The following LPIN2 variants were observed in gnomAD, a reference collection of about 807,000 sequenced individuals.
LPIN2 encodes lipin 2, also known as phosphatidate phosphatase LPIN2.
Under a neutral mutation model 111.4 loss-of-function variants are expected in LPIN2, and 55 were observed. That is an observed-to-expected ratio of 0.49 (90% confidence interval 0.40 to 0.62). The LOEUF (loss-of-function observed/expected upper bound fraction) is 0.62, where lower values mean the gene tolerates loss of function less well. LPIN2 is among the 20% of genes least tolerant of loss of function. LPIN2 has a pLI of 0.00. For missense variants in LPIN2, 992 were observed against 1,112.1 expected, an observed-to-expected ratio of 0.89 and a Z score of 1.54; for synonymous variants, 425 against 414.0, an observed-to-expected ratio of 1.03 and a Z score of -0.32.
chr18:2,985,741 A>C (rs1024635204), intron 1 of LPIN2, among the ~76,000 whole-genome samples: 3 of 152,180 alleles, frequency 2.0e-5, no homozygotes, highest in Admixed American at 2.0e-4. Flanking sequence ...AGCTGTACTA[A>C]GCTGGTTCAA....
At chr18:2,965,276 TTTC>T (rs1568583218) in intron 1 of LPIN2, among the ~76,000 whole-genome samples, 2 of 152,216 alleles carry the variant, frequency 1.3e-5, no homozygotes. Flanking sequence ...CTATCATATT[TTTC>T]TTATCAAATA....
At chr18:2,949,304 AG>A (rs907859048) in intron 4 of LPIN2, among the ~76,000 whole-genome samples, 1 of 152,228 alleles carries the variant, frequency 6.6e-6, no homozygotes, top group African/African-American at 2.4e-5. Context: ...GATATTTAAA[AG>A]TAGAGTTCAG....
At chr18:3,008,076 C>T (rs1302188554) in intron 1 of LPIN2, among the ~76,000 whole-genome samples, 2 of 152,204 alleles carry the variant, frequency 1.3e-5, no homozygotes, top group African/African-American at 4.8e-5. Context: ...CAATCCCATA[C>T]TAACCAATGA....
At chr18:2,924,695 G>T in intron 14 of LPIN2, 149 bp from the exon 15 acceptor site, 1 of 801,456 alleles carries the variant, frequency 1.2e-6, no homozygotes, top group Non-Finnish European at 2.1e-6. Context: ...TGTGCCCAGC[G>T]CAGCTGACAA....
intron 4 of LPIN2, chr18:2,945,777 C>G: frequency 7.9e-7 from 1 of 1,260,604 alleles, no homozygotes; most frequent in Non-Finnish European, 1.2e-6. Flanking sequence ...TGCTTCTACT[C>G]GACTAAGTTC....
chr18:2,983,279 AAC>A (rs764248184), intron 1 of LPIN2, among the ~76,000 whole-genome samples: 1 of 152,200 alleles, frequency 6.6e-6, no homozygotes, highest in Non-Finnish European at 1.5e-5. Flanking sequence ...CCAACTACTG[AAC>A]ACTTTTCCTT....
intron 4 of LPIN2, among the ~76,000 whole-genome samples, chr18:2,947,951 A>C (rs1197802657): frequency 6.6e-6 from 1 of 152,128 alleles, no homozygotes; most frequent in African/African-American, 2.4e-5. Flanking sequence ...CGACCCTCTC[A>C]CTTTATAGAT....
rs533393707 is a variant in LPIN2 at position 2,945,965 on chromosome 18, T to C, written c.590+5090A>G. On this transcript the variant is annotated intron_variant, in intron 4 of 19. Transcript: ENST00000677752. ...TCAGAAGTTTTTCTTCTACAACAGCTCCAGTATTTCGTCCCCTCATGGAAA... is the reference window on the plus strand; with the variant it reads ...TCAGAAGTTTTTCTTCTACAACAGCCCCAGTATTTCGTCCCCTCATGGAAA... The C allele has an allele frequency of 1.7e-4, 232 of 1,404,652 alleles. No individual in the cohort carries two copies. In the African/African-American group the frequency reaches 2.8e-3, roughly 17 times the overall value. 87.0% of individuals were successfully genotyped at this position (1,404,652 alleles called of 1,614,324 possible).
At chr18:2,980,619 C>G (rs952744540) in intron 1 of LPIN2, among the ~76,000 whole-genome samples, 1 of 152,184 alleles carries the variant, frequency 6.6e-6, no homozygotes, top group Non-Finnish European at 1.5e-5. Context: ...GTGCCCATGT[C>G]CTTTGATAAA....
chr18:2,988,513 G>C (rs2078218617), intron 1 of LPIN2, among the ~76,000 whole-genome samples: 1 of 152,148 alleles, frequency 6.6e-6, no homozygotes, highest in South Asian at 2.1e-4. Context: ...GAGAAAACCT[G>C]AAACACTGAT....
At chr18:2,940,534 G>T in intron 5 of LPIN2, 71 bp downstream of exon 5, 1 of 897,780 alleles carries the variant, frequency 1.1e-6, no homozygotes. Context: ...CATTACTACA[G>T]ATTAACAGAA....
chr18:2,990,136 G>T (rs553074958), intron 1 of LPIN2, among the ~76,000 whole-genome samples: 1 of 152,242 alleles, frequency 6.6e-6, no homozygotes, highest in East Asian at 1.9e-4. Context: ...AAAGAATGAA[G>T]TTGGAACCCT....
chr18:3,006,742 C>A (rs1424760236), intron 1 of LPIN2, among the ~76,000 whole-genome samples: 1 of 151,750 alleles, frequency 6.6e-6, no homozygotes, highest in South Asian at 2.1e-4. Flanking sequence ...GAGGCTGAGG[C>A]AGGAGAATGG....
At chr18:2,973,461 G>T (rs2077956468) in intron 1 of LPIN2, among the ~76,000 whole-genome samples, 1 of 152,176 alleles carries the variant, frequency 6.6e-6, no homozygotes, top group Non-Finnish European at 1.5e-5. Context: ...TTGGATTCTG[G>T]CTTCTTTAGC....
At chr18:2,990,132 T>A (rs2078243821) in intron 1 of LPIN2, among the ~76,000 whole-genome samples, 1 of 152,124 alleles carries the variant, frequency 6.6e-6, no homozygotes, top group South Asian at 2.1e-4. Context: ...TGCAAAAGAA[T>A]GAAGTTGGAA....
At chr18:3,006,196 C>A (rs1436678637) in intron 1 of LPIN2, among the ~76,000 whole-genome samples, 2 of 152,156 alleles carry the variant, frequency 1.3e-5, no homozygotes, top group African/African-American at 2.4e-5. Context: ...TAATCTTTTA[C>A]AAATATTAAA....
intron 1 of LPIN2, among the ~76,000 whole-genome samples, chr18:2,970,618 A>C (rs2077892484): frequency 6.6e-6 from 1 of 152,262 alleles, no homozygotes; most frequent in African/African-American, 2.4e-5. Context: ...TCCTGACTGG[A>C]TAAAGCCACC....
At chr18:2,973,651 T>C (rs1361803071) in intron 1 of LPIN2, among the ~76,000 whole-genome samples, 1 of 152,230 alleles carries the variant, frequency 6.6e-6, no homozygotes, top group Non-Finnish European at 1.5e-5. Flanking sequence ...AGTATCCCCC[T>C]TATCCAAAAT....
At position 2,937,744 on chromosome 18, in the gene LPIN2, C is replaced by G. The variant is rs773325510; in HGVS notation, c.1116G>C (p.Ala372=). 17 of 1,613,900 alleles carry G rather than the reference C, an allele frequency of 1.1e-5. No individual in the cohort carries two copies. Among genetic ancestry groups the G allele is most frequent in the Non-Finnish European group, 1.4e-5 (17 of 1,180,004 alleles). The change falls in exon 7 of 20, where the codon GCG becomes GCC. Residue 372 remains alanine, a synonymous_variant. Coordinates refer to ENST00000677752, the MANE Select transcript of LPIN2 (RefSeq NM_001375808.2). ...DHLPNAALAE[A]PSESKPAAKV... Reference sequence around the variant, plus strand: ...TAGCTGCCGGTTTGGATTCTGAGGGCGCCTCCGCTAAGGCTGCGTTGGGAA... The same window carrying G: ...TAGCTGCCGGTTTGGATTCTGAGGGGGCCTCCGCTAAGGCTGCGTTGGGAA...
Sources: gnomAD v4.1 joint callset for allele counts (sites outside exome capture counted in the v4.1 genomes callset) on GRCh38, gnomAD v4.1.1 for gene constraint, MANE v1.5 for transcripts, NCBI Gene and HGNC (gene_info 2026-07-23, HGNC 2026-07-21) for gene names.